Variants in ADGRL3 observed in about 807,000 individuals in gnomAD.
The protein encoded by ADGRL3 is calcium-independent alpha-latrotoxin receptor 3.
Under a neutral mutation model 153.5 loss-of-function variants are expected in ADGRL3, and 62 were observed. The ratio of observed to expected loss-of-function variants is 0.40; its 90% CI spans 0.33 to 0.50. The LOEUF is 0.50. Ranked by LOEUF, ADGRL3 falls within the 20% of genes least tolerant of loss-of-function variation. ADGRL3 has a pLI of 0.47. For synonymous variants in ADGRL3, 710 were observed against 672.5 expected, an observed-to-expected ratio of 1.06 and a Z score of -0.86; for missense variants, 1,641 against 1,859.4, an observed-to-expected ratio of 0.88 and a Z score of 2.16.
chr4:61,216,375 T>A (rs934380943), intron 1 of ADGRL3, among the ~76,000 whole-genome samples: 3 of 152,148 alleles, frequency 2.0e-5, no homozygotes, highest in Non-Finnish European at 4.4e-5. Context: ...AGCTTTTTTT[T>A]AATGTTTATA....
At chr4:61,740,360 G>A (rs2096567914) in intron 8 of ADGRL3, among the ~76,000 whole-genome samples, 2 of 152,110 alleles carry the variant, frequency 1.3e-5, no homozygotes, top group African/African-American at 4.8e-5. Flanking sequence ...AAAACCATAT[G>A]TTCTATCCTG....
chr4:61,867,378 T>C (rs907793890), intron 9 of ADGRL3, among the ~76,000 whole-genome samples: 2 of 151,202 alleles, frequency 1.3e-5, no homozygotes, highest in Non-Finnish European at 3.0e-5. Flanking sequence ...CTCATGCCTG[T>C]AGTCCCAGCT....
intron 17 of ADGRL3, among the ~76,000 whole-genome samples, chr4:61,954,447 T>C (rs976681611): frequency 3.9e-5 from 6 of 152,086 alleles, no homozygotes; most frequent in Non-Finnish European, 7.4e-5. Flanking sequence ...GGGATACTTT[T>C]AAAATGTGAG....
At chr4:62,063,371 CTAGTT>C in intron 25 of ADGRL3, 1 of 450,650 alleles carries the variant, frequency 2.2e-6, no homozygotes, top group Non-Finnish European at 4.0e-6. Flanking sequence ...TTTTTTTAGT[CTAGTT>C]AGCTGCCTGC....
At chr4:61,757,353 G>T (rs2096847743) in intron 8 of ADGRL3, among the ~76,000 whole-genome samples, 1 of 152,172 alleles carries the variant, frequency 6.6e-6, no homozygotes. Flanking sequence ...TCTTGGGAGG[G>T]TGTATGTGTT....
chr4:61,366,709 C>G lies in ADGRL3; in HGVS notation c.-239-16415C>G, dbSNP rs570241641. 7.9e-5 allele frequency among the ~76,000 whole-genome samples: 12 copies of G among 152,218 alleles called. 1 individual carries two copies. Among genetic ancestry groups the G allele is most frequent in the African/African-American group, 2.6e-4 (11 of 41,540 alleles). ...AAATTTGCTTTTGTATTCCATTGTG[C>G]TTATTAACAGTTTGTCTGGATTATG... On this transcript the variant is annotated intron_variant, in intron 1 of 26. Coordinates refer to ENST00000683033, the MANE Select transcript of ADGRL3 (RefSeq NM_001387552.1).
chr4:62,070,388 G>A lies in ADGRL3; in HGVS notation c.4112G>A (p.Arg1371Lys). The change falls in exon 27 of 27, where the codon AGG becomes AAG. Residue 1371 changes from arginine (R) to lysine (K), a missense_variant. Arg to Lys is a conservative substitution (Grantham distance 26). Transcript: ENST00000683033. ...NKLVNNLGSG[R>K]EDDAIVLDDA... is the part of the protein sequence containing the mutation. ...CTGGTGAATAACCTTGGCAGTGGAAGGGAAGATGATGCCATTGTCCTGGAT... is the reference window on the plus strand; with the variant it reads ...CTGGTGAATAACCTTGGCAGTGGAAAGGAAGATGATGCCATTGTCCTGGAT... 2 of 1,552,038 alleles carry A rather than the reference G, an allele frequency of 1.3e-6. No individual in the cohort carries two copies. The highest frequency in any genetic ancestry group is 1.4e-5 in the African/African-American group (1 of 73,078).
chr4:61,862,002 A>G (rs2098345218), intron 9 of ADGRL3, among the ~76,000 whole-genome samples: 1 of 152,164 alleles, frequency 6.6e-6, no homozygotes, highest in African/African-American at 2.4e-5. Flanking sequence ...GAAGCTACAC[A>G]GCCTTTTTTA....
At chr4:61,711,765 G>A (rs535699741) in intron 6 of ADGRL3, among the ~76,000 whole-genome samples, 1 of 151,876 alleles carries the variant, frequency 6.6e-6, no homozygotes, top group East Asian at 2.0e-4. Flanking sequence ...GCTTTGAATC[G>A]TTGGCTGTCT....
At chr4:61,274,580 G>A (rs954006290) in intron 1 of ADGRL3, among the ~76,000 whole-genome samples, 1 of 152,082 alleles carries the variant, frequency 6.6e-6, no homozygotes, top group Non-Finnish European at 1.5e-5. Flanking sequence ...AACATATTAA[G>A]GGTTAAAAAA....
At chr4:61,678,269 T>A (rs2095256196) in intron 6 of ADGRL3, among the ~76,000 whole-genome samples, 1 of 152,050 alleles carries the variant, frequency 6.6e-6, no homozygotes, top group Non-Finnish European at 1.5e-5. Flanking sequence ...TATCAAGGAA[T>A]TTTATTTAAA....
intron 9 of ADGRL3, among the ~76,000 whole-genome samples, chr4:61,822,709 A>C (rs761412819): frequency 1.3e-5 from 2 of 152,112 alleles, no homozygotes; most frequent in African/African-American, 4.8e-5. Context: ...ATTATCCCAG[A>C]GAGTAGAATG....
intron 2 of ADGRL3, among the ~76,000 whole-genome samples, chr4:61,487,735 T>C (rs141358517): frequency 4.4e-3 from 673 of 152,200 alleles, no homozygotes; most frequent in Non-Finnish European, 7.3e-3. Flanking sequence ...TTGTTTTTCA[T>C]AACTAGTTAT....
chr4:61,486,033 TC>T (rs1354975164), intron 2 of ADGRL3, among the ~76,000 whole-genome samples: 8 of 152,088 alleles, frequency 5.3e-5, no homozygotes, highest in Non-Finnish European at 1.0e-4. Flanking sequence ...AAGCTCCGCC[TC>T]CCAGGTTCAC....
intron 21 of ADGRL3, among the ~76,000 whole-genome samples, chr4:62,019,329 A>G (rs999239627): frequency 6.6e-6 from 1 of 152,072 alleles, no homozygotes; most frequent in Non-Finnish European, 1.5e-5. Flanking sequence ...TCATGTAGTC[A>G]TATGCATATA....
intron 25 of ADGRL3, 102 bp from the exon 26 acceptor site, chr4:62,068,064 T>C (rs1743956690): frequency 1.4e-6 from 1 of 692,384 alleles, no homozygotes; most frequent in Non-Finnish European, 2.4e-6. Flanking sequence ...TTTGACTCTT[T>C]TTTCTGCATA....
chr4:62,033,659 T>C (rs766821364), intron 23 of ADGRL3, among the ~76,000 whole-genome samples: 8 of 151,658 alleles, frequency 5.3e-5, no homozygotes, highest in Non-Finnish European at 1.2e-4. Context: ...TTAAGGAAAA[T>C]GGTAGCATTT....
At chr4:61,287,113 T>C (rs2150084561) in intron 1 of ADGRL3, among the ~76,000 whole-genome samples, 1 of 151,960 alleles carries the variant, frequency 6.6e-6, no homozygotes, top group East Asian at 1.9e-4. Flanking sequence ...ATATTCTCTG[T>C]ACTTGAGTAG....
chr4:61,976,135 A>C (rs1431127124), intron 17 of ADGRL3, among the ~76,000 whole-genome samples: 2 of 152,176 alleles, frequency 1.3e-5, no homozygotes, highest in African/African-American at 2.4e-5. Flanking sequence ...ATATTAATAA[A>C]ATTGATATAA....
Sources: allele counts gnomAD v4.1 joint callset (sites outside exome capture counted in the v4.1 genomes callset), GRCh38; gene constraint gnomAD v4.1.1; transcripts MANE v1.5; gene names NCBI Gene and HGNC (gene_info 2026-07-23, HGNC 2026-07-21).